Variants in RAB38 observed in about 807,000 individuals in gnomAD.
The protein encoded by RAB38 is ras-related protein Rab-38.
Under a neutral mutation model 18.4 loss-of-function variants are expected in RAB38, and 15 were observed. That is an observed-to-expected ratio of 0.82 (90% CI 0.55 to 1.26). The LOEUF is 1.26. RAB38 is among the 50% of genes most tolerant of loss of function. RAB38 has a pLI of 0.00. For missense variants in RAB38, 294 were observed against 267.4 expected (o/e 1.10, Z -0.69); for synonymous variants, 101 against 104.4 (o/e 0.97, Z 0.20).
chr11:87,877,270 C>T, the RAB38 span, among the ~76,000 whole-genome samples: 3 of 151,506 alleles, frequency 2.0e-5, no homozygotes, highest in Non-Finnish European at 3.0e-5. Context: ...TGAATCCTAG[C>T]TTCTTTATGT....
chr11:87,951,367 A>G, the RAB38 span, among the ~76,000 whole-genome samples: 1 of 151,906 alleles, frequency 6.6e-6, no homozygotes, highest in East Asian at 1.9e-4. Context: ...GAGTAGTTTG[A>G]TCATCTGAAG....
the RAB38 span, among the ~76,000 whole-genome samples, chr11:87,925,401 G>A: frequency 6.6e-6 from 1 of 152,024 alleles, no homozygotes; most frequent in African/African-American, 2.4e-5. Flanking sequence ...ATCTGTGTTA[G>A]GGTTAGGGTT....
chr11:87,952,472 TCCTC>T, the RAB38 span, among the ~76,000 whole-genome samples: 62 of 152,264 alleles, frequency 4.1e-4, no homozygotes, highest in African/African-American at 1.3e-3. Flanking sequence ...CCTCTTAACT[TCCTC>T]CCTGTTTAAC....
At chr11:88,094,362 T>C in the RAB38 span, among the ~76,000 whole-genome samples, 1 of 151,936 alleles carries the variant, frequency 6.6e-6, no homozygotes, top group East Asian at 1.9e-4. Context: ...TTTTCTAATA[T>C]CATAAGCCTC....
At chr11:88,161,778 T>C (rs1386727398) in intron 1 of RAB38, among the ~76,000 whole-genome samples, 1 of 152,088 alleles carries the variant, frequency 6.6e-6, no homozygotes, top group African/African-American at 2.4e-5. Flanking sequence ...ATATCTGTTG[T>C]AACAAGTTTC....
the RAB38 span, among the ~76,000 whole-genome samples, chr11:88,031,278 A>C: frequency 6.6e-6 from 1 of 151,782 alleles, no homozygotes; most frequent in Non-Finnish European, 1.5e-5. Context: ...CATCATACTG[A>C]ATGGGCAAAA....
intron 2 of RAB38, among the ~76,000 whole-genome samples, chr11:88,122,851 G>T (rs573021277): frequency 1.4e-4 from 21 of 152,248 alleles, no homozygotes; most frequent in African/African-American, 5.1e-4. Flanking sequence ...GACTGAGACT[G>T]GTACATCATT....
At chr11:88,144,073 T>C (rs1942951251) in intron 2 of RAB38, among the ~76,000 whole-genome samples, 1 of 152,220 alleles carries the variant, frequency 6.6e-6, no homozygotes, top group Non-Finnish European at 1.5e-5. Flanking sequence ...GAAGTGATGA[T>C]TCAAATAGTT....
intron 2 of RAB38, among the ~76,000 whole-genome samples, chr11:88,129,708 C>A (rs1047917298): frequency 6.6e-6 from 1 of 152,078 alleles, no homozygotes; most frequent in East Asian, 1.9e-4. Context: ...TATAGACTGA[C>A]ATTTTAAGGA....
At chr11:88,026,562 C>CA in the RAB38 span, among the ~76,000 whole-genome samples, 2,717 of 53,646 alleles carry the variant, frequency 0.051, 34 homozygotes, top group East Asian at 0.16. Context: ...GACTCTGTCA[C>CA]AAAAAAAAAA....
the RAB38 span, among the ~76,000 whole-genome samples, chr11:88,064,859 A>G: frequency 6.6e-6 from 1 of 152,082 alleles, no homozygotes; most frequent in African/African-American, 2.4e-5. Context: ...GTCAAATATT[A>G]TTCTTCTTGC....
the RAB38 span, among the ~76,000 whole-genome samples, chr11:87,832,309 T>G: frequency 6.6e-6 from 1 of 152,186 alleles, no homozygotes; most frequent in Non-Finnish European, 1.5e-5. Context: ...TTTAGTGGCT[T>G]AAAACAATCA....
the RAB38 span, among the ~76,000 whole-genome samples, chr11:87,938,645 G>GTTGT: frequency 1.6e-5 from 1 of 62,480 alleles, no homozygotes; most frequent in South Asian, 4.7e-4. Flanking sequence ...TTTTGTTGTT[G>GTTGT]TTGTTGTTGT....
At chr11:88,017,086 AAGG>A in the RAB38 span, among the ~76,000 whole-genome samples, 1 of 152,054 alleles carries the variant, frequency 6.6e-6, no homozygotes, top group South Asian at 2.1e-4. Flanking sequence ...TTCGAATTTG[AAGG>A]AGGAGCAGCA....
chr11:88,126,230 T>C (rs560852172), intron 2 of RAB38, among the ~76,000 whole-genome samples: 4 of 152,288 alleles, frequency 2.6e-5, no homozygotes, highest in African/African-American at 9.6e-5. Context: ...AACTTTAAAG[T>C]GGTTTTTTAA....
chr11:88,100,382 G>T, the RAB38 span, among the ~76,000 whole-genome samples: 1 of 151,952 alleles, frequency 6.6e-6, no homozygotes, highest in African/African-American at 2.4e-5. Flanking sequence ...AAAAGAGGGA[G>T]TGGTGAGATT....
At chr11:87,863,174 G>T in the RAB38 span, among the ~76,000 whole-genome samples, 2 of 151,820 alleles carry the variant, frequency 1.3e-5, no homozygotes, top group South Asian at 2.1e-4. Flanking sequence ...ATGTTAAAAA[G>T]ATCTGAATTC....
At chr11:88,073,101 C>A in the RAB38 span, among the ~76,000 whole-genome samples, 5 of 152,160 alleles carry the variant, frequency 3.3e-5, no homozygotes. Context: ...TCAGGGTGGA[C>A]AATCAACTTC....
At chr11:88,035,143 T>G in the RAB38 span, among the ~76,000 whole-genome samples, 1 of 152,196 alleles carries the variant, frequency 6.6e-6, no homozygotes, top group Admixed American at 6.5e-5. Context: ...TCTCAAAGAC[T>G]TTTGCTTATT....
Sources: gnomAD v4.1 joint callset for allele counts (sites outside exome capture counted in the v4.1 genomes callset) on GRCh38, gnomAD v4.1.1 for gene constraint, MANE v1.5 for transcripts, NCBI Gene and HGNC (gene_info 2026-07-23, HGNC 2026-07-21) for gene names.